UBE4A: variants seen among roughly 807,000 people sequenced by gnomAD.
The protein encoded by UBE4A is ubiquitin conjugation factor E4 A.
UBE4A carries 48 observed loss-of-function variants against 117.9 expected under a neutral mutation model. That is an observed-to-expected ratio of 0.41 (90% confidence interval 0.32 to 0.52). UBE4A has a LOEUF of 0.52. Among genes scored for constraint, UBE4A ranks in the 20% least tolerant of loss-of-function variants. The pLI is 0.33. For synonymous variants in UBE4A, 407 were observed against 450.0 expected, an observed-to-expected ratio of 0.90 and a Z score of 1.21; for missense variants, 1,067 against 1,296.3, an observed-to-expected ratio of 0.82 and a Z score of 2.72.
rs1383395266 is a variant in UBE4A, at chr11:118,359,607, G to C, written c.-109G>C. 2 of 152,230 alleles carry C rather than the reference G, an allele frequency of 1.3e-5. No homozygotes were observed. The highest frequency in any genetic ancestry group is 4.8e-5 in the African/African-American group (2 of 41,442). 9.4% of individuals were successfully genotyped at this position (152,230 alleles called of 1,614,324 possible). On this transcript the variant is annotated 5_prime_UTR_variant, in exon 1 of 20. Coordinates refer to ENST00000252108, the MANE Select transcript of UBE4A (RefSeq NM_001204077.2). ...ACGTAACTTCCGGTTGCTGTGCTGA[G>C]TCGGAAGTGGGAACCCTTCGGCCGC... is the stretch of plus-strand genomic sequence containing the variant.
intron 11 of UBE4A, among the ~76,000 whole-genome samples, chr11:118,380,720 T>C (rs868961264): frequency 2.6e-5 from 4 of 152,198 alleles, no homozygotes; most frequent in Non-Finnish European, 4.4e-5. Flanking sequence ...AGGACTCTGC[T>C]AGGGCTGGAG....
rs1555125950 is a variant in UBE4A, at chr11:118,379,611, A to C, written c.1737A>C (p.Gln579His). 1.2e-6 allele frequency: 2 copies of C among 1,614,248 alleles called. No individual in the cohort carries two copies. Among genetic ancestry groups the C allele is most frequent in the Admixed American group, 3.3e-5 (2 of 60,024 alleles). The change falls in exon 11 of 20, where the codon CAA (glutamine) becomes CAC (histidine). Residue 579 changes from glutamine (Q) to histidine (H), a missense_variant. Gln to His is a conservative substitution (Grantham distance 24, BLOSUM62 0). Coordinates refer to ENST00000252108, the MANE Select transcript of UBE4A (RefSeq NM_001204077.2). ...LSTKTAMTEP[Q>H]MLQNCLNLQV... ...CCAAGACTGCCATGACAGAGCCACAAATGCTACAAAACTGCCTAAACTTGC... is the reference window on the plus strand; with the variant it reads ...CCAAGACTGCCATGACAGAGCCACACATGCTACAAAACTGCCTAAACTTGC...
intron 9 of UBE4A, 120 bp from the exon 10 acceptor site, chr11:118,376,454 A>G (rs911607731): frequency 1.5e-6 from 2 of 1,364,166 alleles, no homozygotes; most frequent in Non-Finnish European, 2.0e-6. Flanking sequence ...ACAAAGAACT[A>G]ATATGACAAG....
Position 118,381,543 on chromosome 11 carries a change from G to C in UBE4A, c.2009+20G>C. On this transcript the variant is annotated intron_variant, in intron 12 of 19. Coordinates refer to ENST00000252108, the MANE Select transcript of UBE4A (RefSeq NM_001204077.2). The stretch of plus-strand genomic sequence containing the variant: ...AGAAAGGTGAAGTGCTGAAAGCTTG[G>C]TTCTGTCACTGTTTAGGCTGTAAAA... The C allele has an allele frequency of 6.2e-7, 1 of 1,612,844 alleles. No individual in the cohort carries two copies. The highest frequency in any genetic ancestry group is 8.5e-7 in the Non-Finnish European group (1 of 1,179,374).
intron 19 of UBE4A, 116 bp from the exon 20 acceptor site, chr11:118,396,198 A>G (rs1555129669): frequency 1.5e-6 from 2 of 1,332,388 alleles, no homozygotes; most frequent in African/African-American, 1.5e-5. Context: ...TTTGACTCAA[A>G]GTTATAATGC....
At chr11:118,375,508 C>T (rs947461236) in intron 9 of UBE4A, among the ~76,000 whole-genome samples, 4 of 152,130 alleles carry the variant, frequency 2.6e-5, no homozygotes, top group African/African-American at 4.8e-5. Context: ...TACAGGCACG[C>T]GCCACCACGC....
In UBE4A at chr11:118,379,422, T is replaced by C. The variant is rs1555125889; in HGVS notation, c.1572-24T>C. The C allele has an allele frequency of 3.7e-6, 6 of 1,603,286 alleles. No homozygotes were observed. The Admixed American group carries it at 8.4e-5, about 22-fold the overall frequency. On this transcript the variant is annotated intron_variant, in intron 10 of 19. Transcript: ENST00000252108. ...TGACTTTCTGTTTTCCCTGACCCAG[T>C]CTCTTCTGCTTTCTTGGGGGCAGGT...
At chr11:118,361,432 T>C (rs1948520299) in intron 1 of UBE4A, among the ~76,000 whole-genome samples, 1 of 152,216 alleles carries the variant, frequency 6.6e-6, no homozygotes, top group Non-Finnish European at 1.5e-5. Context: ...ACTCTTACTT[T>C]GGTAAGTCCA....
At chr11:118,395,043 T>C (rs1167107153) in intron 19 of UBE4A, among the ~76,000 whole-genome samples, 1 of 152,098 alleles carries the variant, frequency 6.6e-6, no homozygotes, top group Non-Finnish European at 1.5e-5. Context: ...AAGATGAATT[T>C]TTGGCCAGGT....
rs1316206460 is a variant in UBE4A, at chr11:118,397,687, C to G, written c.*1247C>G. ...GGATTATCTTTATATCACTGTCTTT[C>G]TAAGCCCAGAGATGTCATAAGTGAC... On this transcript the variant is annotated 3_prime_UTR_variant, in exon 20 of 20. Coordinates refer to ENST00000252108, the MANE Select transcript of UBE4A (RefSeq NM_001204077.2). The G allele has an allele frequency of 6.6e-6, 1 of 152,172 alleles. No individual in the cohort carries two copies. The highest frequency in any genetic ancestry group is 1.5e-5 in the Non-Finnish European group (1 of 68,036). The allele number at this position is 152,172 out of a possible 1,614,324, so 9.4% of individuals were successfully genotyped here.
chr11:118,373,199 C>T lies in UBE4A; in HGVS notation c.835C>T (p.Arg279Ter), dbSNP rs200388524. The T allele has an allele frequency of 1.9e-6, 3 of 1,613,606 alleles. No homozygotes were observed. Among genetic ancestry groups the T allele is most frequent in the Non-Finnish European group, 2.5e-6 (3 of 1,179,950 alleles). Residue 279 changes from arginine (R) to a stop codon, truncating the protein, a stop_gained, in exon 7 of 20, where the codon CGA (arginine) becomes TGA (stop). Coordinates refer to ENST00000252108, the MANE Select transcript of UBE4A (RefSeq NM_001204077.2). LOFTEE classifies it high-confidence loss of function. ...MIPVFDILLG[R>*]IKDLELCQIL... ...TCCAGTGTTTGATATTTTATTGGGC[C>T]GAATAAAAGATCTAGAGCTCTGTCA... is the stretch of plus-strand genomic sequence containing the variant.
intron 6 of UBE4A, 99 bp downstream of exon 6, chr11:118,372,765 G>T: frequency 6.5e-7 from 1 of 1,547,968 alleles, no homozygotes; most frequent in East Asian, 2.3e-5. Flanking sequence ...TTATGGTTCT[G>T]GTATAAATTA....
chr11:118,373,447 T>C, intron 7 of UBE4A, 47 bp from the exon 8 acceptor site: 1 of 1,579,522 alleles, frequency 6.3e-7, no homozygotes, highest in East Asian at 2.2e-5. Context: ...CCCCATCACC[T>C]TATCTCACCA....
At chr11:118,381,629 G>C in intron 12 of UBE4A, 106 bp downstream of exon 12, 3 of 1,449,464 alleles carry the variant, frequency 2.1e-6, no homozygotes, top group Non-Finnish European at 2.8e-6. Flanking sequence ...GTTGCCTTCA[G>C]AAGTTATGGT....
intron 1 of UBE4A, among the ~76,000 whole-genome samples, chr11:118,360,891 G>A (rs1355564677): frequency 6.6e-6 from 1 of 151,614 alleles, no homozygotes; most frequent in Non-Finnish European, 1.5e-5. Flanking sequence ...GTTGGTAGCT[G>A]TACCATCCCA....
At chr11:118,383,228 G>A (rs1223341822) in intron 13 of UBE4A, among the ~76,000 whole-genome samples, 1 of 152,138 alleles carries the variant, frequency 6.6e-6, no homozygotes, top group Non-Finnish European at 1.5e-5. Context: ...AAGAGGCAGT[G>A]TATTGGTTGA....
Position 118,392,782 on chromosome 11 carries a change from T to A in UBE4A, c.2961T>A (p.Asp987Glu), listed in dbSNP as rs1214437964. 8.1e-6 allele frequency: 13 copies of A among 1,614,078 alleles called. No individual in the cohort carries two copies. The Admixed American group carries it at 2.2e-4, about 27-fold the overall frequency. ...LQQQEEETYA[D>E]ACDEFLDPIM... ...AACAGGAAGAGGAAACCTATGCAGA[T>A]GCCTGTGATGAGTTCCTGGATCCCA... is the stretch of plus-strand genomic sequence containing the variant. The change falls in exon 19 of 20, where the codon GAT becomes GAA. Residue 987 changes from aspartate (D) to glutamate (E), a missense_variant. Transcript: ENST00000252108.
chr11:118,363,635 G>A (rs1591292683), intron 1 of UBE4A, among the ~76,000 whole-genome samples: 2 of 129,078 alleles, frequency 1.5e-5, no homozygotes, highest in South Asian at 2.3e-4. Flanking sequence ...TTTTTGAGAC[G>A]AAGTCTCGCT....
intron 17 of UBE4A, 111 bp downstream of exon 17, chr11:118,390,016 T>C: frequency 8.6e-7 from 1 of 1,162,596 alleles, no homozygotes; most frequent in Non-Finnish European, 1.2e-6. Flanking sequence ...AAATGGTTAA[T>C]TCCTAGTTGC....
Sources: allele counts gnomAD v4.1 joint callset (sites outside exome capture counted in the v4.1 genomes callset), GRCh38; gene constraint gnomAD v4.1.1; transcripts MANE v1.5; gene names NCBI Gene and HGNC (gene_info 2026-07-23, HGNC 2026-07-21).